The following CREB3L1 variants were observed in gnomAD, a reference collection of about 807,000 sequenced individuals.
CREB3L1 encodes cyclic AMP-responsive element-binding protein 3-like protein 1.
CREB3L1 carries 33 observed loss-of-function variants against 54.5 expected under a neutral mutation model. That is an observed-to-expected ratio of 0.61 (90% CI 0.46 to 0.81). CREB3L1 has a LOEUF of 0.81. CREB3L1 is among the 30% of genes least tolerant of loss of function. The pLI, the probability that CREB3L1 is intolerant of heterozygous loss-of-function variation, is 0.00. For synonymous variants in CREB3L1, 284 were observed against 286.4 expected, an observed-to-expected ratio of 0.99 and a Z score of 0.08; for missense variants, 656 against 673.3, an observed-to-expected ratio of 0.97 and a Z score of 0.29.
Position 46,320,376 on chromosome 11 carries a change from G to C in CREB3L1, c.1371G>C (p.Gly457=). Residue 457 remains glycine (G), a synonymous_variant, in exon 11 of 12, where the codon GGG becomes GGC. Transcript: ENST00000621158. ...ATGGCTGGGAAATCAACCCCGGGGG[G>C]CCGGCAGAGCAGCGGCCCCGGGACC... is the stretch of plus-strand genomic sequence containing the variant. ...PPDGWEINPG[G]PAEQRPRDHL... 6.2e-7 allele frequency: 1 copy of C among 1,610,558 alleles called. No individual in the cohort carries two copies. The highest frequency in any genetic ancestry group is 1.1e-5 in the South Asian group (1 of 90,536).
intron 4 of CREB3L1, 140 bp downstream of exon 4, chr11:46,310,207 G>C: frequency 1.5e-6 from 1 of 648,300 alleles, no homozygotes; most frequent in Non-Finnish European, 2.8e-6. Flanking sequence ...CCTACCCACT[G>C]TCCCTCCATC....
chr11:46,310,123 C>T (rs1218885069), intron 4 of CREB3L1, 56 bp downstream of exon 4: 9 of 1,305,846 alleles, frequency 6.9e-6, no homozygotes, highest in Middle Eastern at 1.8e-4. Flanking sequence ...CAGATAGCAT[C>T]CCCACTTCCT....
At chr11:46,301,196 C>G (rs1939296623) in intron 2 of CREB3L1, among the ~76,000 whole-genome samples, 1 of 151,530 alleles carries the variant, frequency 6.6e-6, no homozygotes, top group African/African-American at 2.4e-5. Context: ...CAAAAATTAG[C>G]CAGGCGTGGT....
intron 8 of CREB3L1, among the ~76,000 whole-genome samples, chr11:46,314,504 G>C (rs1939536931): frequency 6.6e-6 from 1 of 151,776 alleles, no homozygotes; most frequent in Non-Finnish European, 1.5e-5. Context: ...AACCTCCTAA[G>C]TAGCTAGGAC....
chr11:46,317,000 C>T (rs944376986), intron 9 of CREB3L1, among the ~76,000 whole-genome samples: 1 of 152,188 alleles, frequency 6.6e-6, no homozygotes. Context: ...CTGCTGAGAA[C>T]GTGATGTGGC....
At chr11:46,288,988 T>C (rs1308409665) in intron 1 of CREB3L1, among the ~76,000 whole-genome samples, 1 of 152,256 alleles carries the variant, frequency 6.6e-6, no homozygotes, top group East Asian at 1.9e-4. Context: ...GTTAGAGCAG[T>C]GCCTGGTACA....
In CREB3L1 at chr11:46,286,471, T is replaced by C. The variant is rs563546078; in HGVS notation, c.102+8258T>C. 4.6e-5 allele frequency among the ~76,000 whole-genome samples: 7 copies of C among 152,292 alleles called. No individual in the cohort carries two copies. In the South Asian group the frequency reaches 1.4e-3, roughly 32 times the overall value. ...TATATCTATCAGTTATAAAGTATAA[T>C]AAAATTAATACATGGAAACTTACCC... On this transcript the variant is annotated intron_variant, in intron 1 of 11. Coordinates refer to ENST00000621158, the MANE Select transcript of CREB3L1 (RefSeq NM_052854.4).
chr11:46,306,191 G>A (rs1939394598), intron 2 of CREB3L1, among the ~76,000 whole-genome samples: 1 of 152,170 alleles, frequency 6.6e-6, no homozygotes, highest in Non-Finnish European at 1.5e-5. Flanking sequence ...ATAGGCGTGA[G>A]CTACCGCACC....
rs1029860575 is a variant in CREB3L1, at chr11:46,308,451, C to A, written c.516+451C>A. ...GAGATTAATATTTTTAACCCACACT[C>A]TCAGGCTGAACTCCCTCCTCCACCA... On this transcript the variant is annotated intron_variant, in intron 3 of 11. Transcript: ENST00000621158. Among the ~76,000 whole-genome samples, 13 of 152,384 alleles carry A rather than the reference C, an allele frequency of 8.5e-5. No individual in the cohort carries two copies. In the South Asian group the frequency reaches 2.7e-3, roughly 32 times the overall value.
At chr11:46,282,897 T>C (rs1590336957) in intron 1 of CREB3L1, among the ~76,000 whole-genome samples, 1 of 152,308 alleles carries the variant, frequency 6.6e-6, no homozygotes, top group East Asian at 1.9e-4. Context: ...GTCAAAAATT[T>C]CCAATTATGT....
intron 1 of CREB3L1, among the ~76,000 whole-genome samples, chr11:46,293,232 T>C (rs1939156661): frequency 1.3e-5 from 2 of 152,336 alleles, no homozygotes; most frequent in African/African-American, 2.4e-5. Context: ...CCGCTGCCTA[T>C]AGACCAGCAT....
chr11:46,317,389 T>C lies in CREB3L1; in HGVS notation c.1160T>C (p.Leu387Pro). ...GCAGCCTTGTGCTTTGTTCTGGTGCTGGGCTCCCTCGTGCCCTGCCTTCCC... is the reference window on the plus strand; with the variant it reads ...GCAGCCTTGTGCTTTGTTCTGGTGCCGGGCTCCCTCGTGCCCTGCCTTCCC... ...MVAALCFVLV[L>P]GSLVPCLPEF... The change falls in exon 10 of 12, where the codon CTG becomes CCG. Residue 387 changes from leucine (L) to proline (P), a missense_variant. Around this residue, in one of 3 missense-constraint regions of CREB3L1, gnomAD observed 240 missense variants for 219.8 expected, o/e 1.09. Coordinates refer to ENST00000621158, the MANE Select transcript of CREB3L1 (RefSeq NM_052854.4). The C allele has an allele frequency of 1.7e-5, 28 of 1,613,950 alleles. No homozygotes were observed. The highest frequency in any genetic ancestry group is 2.4e-5 in the Non-Finnish European group (28 of 1,179,876).
chr11:46,314,200 C>T (rs935207133), intron 8 of CREB3L1, among the ~76,000 whole-genome samples: 3 of 148,954 alleles, frequency 2.0e-5, no homozygotes, highest in African/African-American at 5.0e-5. Context: ...ATGGTGCCAC[C>T]GTACTCCAGC....
chr11:46,290,388 C>T (rs1418349935), intron 1 of CREB3L1, among the ~76,000 whole-genome samples: 1 of 152,168 alleles, frequency 6.6e-6, no homozygotes, highest in East Asian at 1.9e-4. Context: ...CAGCCTGGCA[C>T]ACCAGCTCCT....
At chr11:46,279,693 G>A (rs1472578445) in intron 1 of CREB3L1, among the ~76,000 whole-genome samples, 2 of 152,022 alleles carry the variant, frequency 1.3e-5, no homozygotes. Flanking sequence ...AGCAGGGATC[G>A]GGGGATCCAC....
intron 1 of CREB3L1, among the ~76,000 whole-genome samples, chr11:46,296,974 T>A (rs972413018): frequency 1.3e-5 from 2 of 152,160 alleles, no homozygotes; most frequent in Non-Finnish European, 2.9e-5. Context: ...CCAGCCCAGA[T>A]CCGAGGAAGC....
chr11:46,280,524 C>T (rs2891617), intron 1 of CREB3L1, among the ~76,000 whole-genome samples: 3,411 of 152,190 alleles, frequency 0.022, 147 homozygotes, highest in African/African-American at 0.078. Flanking sequence ...CTTTGACTTC[C>T]TCATCTGAAA....
chr11:46,299,343 G>C (rs1306398233), intron 1 of CREB3L1, among the ~76,000 whole-genome samples: 1 of 152,128 alleles, frequency 6.6e-6, no homozygotes, highest in Non-Finnish European at 1.5e-5. Flanking sequence ...GGAAAGGAGA[G>C]AGACCCCGAA....
At chr11:46,281,847 A>G (rs142559436) in intron 1 of CREB3L1, among the ~76,000 whole-genome samples, 1 of 152,338 alleles carries the variant, frequency 6.6e-6, no homozygotes, top group African/African-American at 2.4e-5. Flanking sequence ...TCTCACCAAC[A>G]GGAAAGAGGA....
Sources: allele counts gnomAD v4.1 joint callset (sites outside exome capture counted in the v4.1 genomes callset), GRCh38; gene constraint gnomAD v4.1.1; regional missense constraint gnomAD v4.1.1; transcripts MANE v1.5; gene names NCBI Gene and HGNC (gene_info 2026-07-23, HGNC 2026-07-21).